The following COLEC10 variants were observed in gnomAD, a reference collection of about 807,000 sequenced individuals.
The protein encoded by COLEC10 is collectin-10.
In COLEC10, 22 loss-of-function variants were observed where a neutral mutation model predicts 28.4. That is an observed-to-expected ratio of 0.78 (90% confidence interval 0.55 to 1.11). COLEC10 has a LOEUF of 1.11. Among genes scored for constraint, COLEC10 ranks in the 50% least tolerant of loss-of-function variants. The probability of loss-of-function intolerance (pLI) is 0.00; values close to 1 mark genes in which losing one functional copy is unlikely to be tolerated. For synonymous variants in COLEC10, 125 were observed against 116.1 expected, an observed-to-expected ratio of 1.08 and a Z score of -0.49; for missense variants, 361 against 344.1, an observed-to-expected ratio of 1.05 and a Z score of -0.39.
At chr8:119,037,345 T>C (rs896721352) in intron 2 of COLEC10, among the ~76,000 whole-genome samples, 2 of 152,254 alleles carry the variant, frequency 1.3e-5, no homozygotes, top group East Asian at 3.8e-4. Flanking sequence ...AATTCATTCA[T>C]AGTTACTAAA....
the COLEC10 span, among the ~76,000 whole-genome samples, chr8:118,962,908 C>G: frequency 1.3e-5 from 2 of 152,156 alleles, no homozygotes; most frequent in Non-Finnish European, 2.9e-5. Context: ...TTCTCATATT[C>G]AGTTAACAAA....
intron 2 of COLEC10, among the ~76,000 whole-genome samples, chr8:119,060,945 T>C (rs1814844750): frequency 6.6e-6 from 1 of 151,912 alleles, no homozygotes; most frequent in Non-Finnish European, 1.5e-5. Context: ...TTAGACTAAA[T>C]AGTGACAATC....
the COLEC10 span, among the ~76,000 whole-genome samples, chr8:118,965,591 A>T: frequency 1 from 151,709 of 152,014 alleles, 75,702 homozygotes; most frequent in East Asian, 1. Flanking sequence ...GTGCCTGGCA[A>T]TTCCAGTCTC....
the COLEC10 span, among the ~76,000 whole-genome samples, chr8:118,974,410 T>C: frequency 2.6e-5 from 4 of 151,982 alleles, no homozygotes; most frequent in Non-Finnish European, 4.4e-5. Context: ...CAAAAGGGTA[T>C]ACCAAAGTAC....
At chr8:118,989,567 ACACACACACACC>A in the COLEC10 span, among the ~76,000 whole-genome samples, 266 of 147,728 alleles carry the variant, frequency 1.8e-3, 2 homozygotes, top group African/African-American at 6.5e-3. Context: ...ACACACACAC[ACACACACACACC>A]CCTACCTACC....
chr8:118,965,155 T>C, the COLEC10 span, among the ~76,000 whole-genome samples: 6,337 of 152,280 alleles, frequency 0.042, 219 homozygotes, highest in East Asian at 0.17. Flanking sequence ...TATTCTATTA[T>C]TTAAGACTAT....
chr8:119,083,902 T>A (rs1478705988), intron 1 of COLEC10, among the ~76,000 whole-genome samples: 2 of 152,290 alleles, frequency 1.3e-5, no homozygotes, highest in East Asian at 3.9e-4. Flanking sequence ...ACTATAAAAT[T>A]CCTATTTTGT....
chr8:119,069,028 C>T (rs972308660), intron 1 of COLEC10, among the ~76,000 whole-genome samples: 5 of 151,912 alleles, frequency 3.3e-5, no homozygotes, highest in Admixed American at 6.6e-5. Flanking sequence ...CTGGAATGTA[C>T]TGAATACCTA....
upstream of COLEC10, among the ~76,000 whole-genome samples, chr8:119,063,894 C>T (rs1253772433): frequency 6.6e-6 from 1 of 152,144 alleles, no homozygotes; most frequent in African/African-American, 2.4e-5. Context: ...ACTATGAAGA[C>T]AGTTTTATAA....
At chr8:118,963,979 T>C in the COLEC10 span, among the ~76,000 whole-genome samples, 1 of 152,170 alleles carries the variant, frequency 6.6e-6, no homozygotes, top group Admixed American at 6.5e-5. Flanking sequence ...AATGAATGCA[T>C]ACACCAATGT....
At chr8:118,978,760 A>G in the COLEC10 span, among the ~76,000 whole-genome samples, 1 of 152,016 alleles carries the variant, frequency 6.6e-6, no homozygotes, top group South Asian at 2.1e-4. Context: ...TTGCTTCTGA[A>G]ATAGGTATAC....
chr8:119,021,645 A>G (rs554138794), intron 2 of COLEC10, among the ~76,000 whole-genome samples: 27 of 152,304 alleles, frequency 1.8e-4, no homozygotes, highest in African/African-American at 6.5e-4. Flanking sequence ...GGGAAGAGCC[A>G]TCCTTGGCAG....
the COLEC10 span, among the ~76,000 whole-genome samples, chr8:118,985,678 A>G: frequency 6.6e-6 from 1 of 152,068 alleles, no homozygotes; most frequent in Non-Finnish European, 1.5e-5. Context: ...AAAGGGGTCT[A>G]GAAATTATTA....
chr8:118,959,769 A>T, the COLEC10 span, among the ~76,000 whole-genome samples: 2 of 152,332 alleles, frequency 1.3e-5, no homozygotes, highest in Non-Finnish European at 2.9e-5. Flanking sequence ...CCAAGTTCCC[A>T]CAATGTGTTC....
At chr8:119,042,314 G>A (rs1168778514) in intron 2 of COLEC10, among the ~76,000 whole-genome samples, 2 of 152,076 alleles carry the variant, frequency 1.3e-5, no homozygotes, top group Non-Finnish European at 2.9e-5. Context: ...ATTGTTAAAT[G>A]TGTCTCTGGC....
At chr8:119,028,703 T>A (rs534940406) in intron 2 of COLEC10, among the ~76,000 whole-genome samples, 1 of 152,296 alleles carries the variant, frequency 6.6e-6, no homozygotes, top group East Asian at 1.9e-4. Context: ...TGTAAAGGGT[T>A]ATTATATGTT....
At chr8:119,013,066 T>C (rs1586997618) in intron 2 of COLEC10, among the ~76,000 whole-genome samples, 1 of 150,154 alleles carries the variant, frequency 6.7e-6, no homozygotes, top group Admixed American at 6.6e-5. Context: ...TGAGTTTAGA[T>C]CTTTCTTCTT....
intron 2 of COLEC10, among the ~76,000 whole-genome samples, chr8:119,057,797 G>A (rs919895295): frequency 1.3e-5 from 2 of 151,910 alleles, no homozygotes; most frequent in Non-Finnish European, 2.9e-5. Flanking sequence ...AGACATTGTG[G>A]TATATAATTA....
At chr8:119,026,822 T>C (rs1814200479) in intron 2 of COLEC10, among the ~76,000 whole-genome samples, 1 of 152,170 alleles carries the variant, frequency 6.6e-6, no homozygotes, top group Non-Finnish European at 1.5e-5. Context: ...CAGAGTTGCC[T>C]GAAGCTGGAG....
Sources: gnomAD v4.1 joint callset for allele counts (sites outside exome capture counted in the v4.1 genomes callset) on GRCh38, gnomAD v4.1.1 for gene constraint, MANE v1.5 for transcripts, NCBI Gene and HGNC (gene_info 2026-07-23, HGNC 2026-07-21) for gene names.